Variants in P3H2 observed in about 807,000 individuals in gnomAD.
P3H2 encodes prolyl 3-hydroxylase 2.
P3H2 carries 80 observed loss-of-function variants against 87.0 expected under a neutral mutation model. The ratio of observed to expected loss-of-function variants is 0.92; its 90% confidence interval spans 0.77 to 1.11. The LOEUF is 1.11. P3H2 is among the 50% of genes least tolerant of loss of function. The pLI, the probability that P3H2 is intolerant of heterozygous loss-of-function variation, is 0.00. For missense variants in P3H2, 1,001 were observed against 923.9 expected (o/e 1.08, Z -1.08); for synonymous variants, 367 against 359.3 (o/e 1.02, Z -0.24).
chr3:190,035,468 CTTAAAGA>C (rs938863667), intron 1 of P3H2, among the ~76,000 whole-genome samples: 5 of 152,086 alleles, frequency 3.3e-5, no homozygotes, highest in Admixed American at 2.0e-4. Flanking sequence ...GTTTTAAATT[CTTAAAGA>C]TTAAACAGTC....
chr3:190,073,853 T>C (rs1726784233), intron 1 of P3H2, among the ~76,000 whole-genome samples: 1 of 152,210 alleles, frequency 6.6e-6, no homozygotes, highest in African/African-American at 2.4e-5. Context: ...ATAAGGCTGT[T>C]TGGAGAATTA....
At chr3:189,963,509 A>T in intron 14 of P3H2, 1 of 192,140 alleles carries the variant, frequency 5.2e-6, no homozygotes, top group Non-Finnish European at 1.1e-5. Flanking sequence ...CAGTGGTGCG[A>T]TCTCGGCTTA....
chr3:190,101,888 A>T (rs1177198233), intron 1 of P3H2, among the ~76,000 whole-genome samples: 1 of 152,200 alleles, frequency 6.6e-6, no homozygotes, highest in Non-Finnish European at 1.5e-5. Context: ...CTATTGTTAG[A>T]GCTAATCCAG....
chr3:189,988,882 T>A (rs1388835159), intron 4 of P3H2, 25 bp downstream of exon 4: 2 of 1,613,640 alleles, frequency 1.2e-6, no homozygotes, highest in Admixed American at 1.7e-5. Flanking sequence ...CCCCAAGAAG[T>A]CTTCACGGAT....
intron 1 of P3H2, among the ~76,000 whole-genome samples, chr3:190,085,726 T>C (rs188985652): frequency 9.2e-4 from 140 of 152,116 alleles, no homozygotes; most frequent in Non-Finnish European, 1.8e-3. Flanking sequence ...TTTTGAGTTA[T>C]TGGCATATTT....
chr3:190,102,835 C>G (rs899191888), intron 1 of P3H2, among the ~76,000 whole-genome samples: 2 of 151,414 alleles, frequency 1.3e-5, no homozygotes, highest in African/African-American at 4.9e-5. Flanking sequence ...ATTAATGGGG[C>G]AAACTTTCTT....
chr3:190,035,603 T>C (rs1725394494), intron 1 of P3H2, among the ~76,000 whole-genome samples: 1 of 152,210 alleles, frequency 6.6e-6, no homozygotes. Context: ...CTGTCACCCA[T>C]TAATAATCTT....
Position 189,972,868 on chromosome 3 carries a change from TCTCACCAGACAG to T in P3H2, c.1693_1699+5del. The T allele has an allele frequency of 6.2e-7, 1 of 1,614,008 alleles. No homozygotes were observed. On this transcript the variant is annotated splice_donor_variant and splice_donor_5th_base_variant and coding_sequence_variant and intron_variant, in exon 11 of 15. Coordinates refer to ENST00000319332, the MANE Select transcript of P3H2 (RefSeq NM_018192.4). LOFTEE classifies it high-confidence loss of function. ...AAAAGGGAACCATTTCAGACTGCAA[TCTCACCAGACAG>T]GGCTGTTCGGCAGACCATGTGTGTA...
intron 1 of P3H2, among the ~76,000 whole-genome samples, chr3:190,023,444 G>T (rs1724992221): frequency 1.3e-5 from 2 of 152,198 alleles, no homozygotes; most frequent in South Asian, 4.1e-4. Flanking sequence ...CAGGGAGGAT[G>T]GCGAAGGGGA....
At chr3:190,090,017 T>C (rs1178050469) in intron 1 of P3H2, among the ~76,000 whole-genome samples, 1 of 152,154 alleles carries the variant, frequency 6.6e-6, no homozygotes, top group African/African-American at 2.4e-5. Context: ...GGTGTCTGTG[T>C]CATGAAGCAC....
intron 9 of P3H2, 145 bp downstream of exon 9, chr3:189,974,413 T>C: frequency 3.6e-6 from 4 of 1,126,754 alleles, no homozygotes; most frequent in Non-Finnish European, 5.2e-6. Flanking sequence ...CTATAAAAGT[T>C]CCTCAAAAAT....
intron 1 of P3H2, among the ~76,000 whole-genome samples, chr3:190,033,838 A>G (rs1666482): frequency 0.81 from 123,580 of 151,784 alleles, 50,420 homozygotes; most frequent in African/African-American, 0.87. Context: ...CCAACAAAAA[A>G]TGGATGATAT....
intron 1 of P3H2, among the ~76,000 whole-genome samples, chr3:190,099,229 AT>A (rs770032918): frequency 2.0e-5 from 3 of 152,236 alleles, no homozygotes; most frequent in Non-Finnish European, 4.4e-5. Context: ...ACAACAAATT[AT>A]GCGTGGAACG....
chr3:190,100,360 C>T (rs941968126), intron 1 of P3H2, among the ~76,000 whole-genome samples: 1 of 149,180 alleles, frequency 6.7e-6, no homozygotes, highest in African/African-American at 2.5e-5. Flanking sequence ...ATCTTAATGT[C>T]TAAATGTCAC....
chr3:190,017,729 T>C (rs982411824), intron 1 of P3H2, among the ~76,000 whole-genome samples: 2 of 151,554 alleles, frequency 1.3e-5, no homozygotes, highest in Non-Finnish European at 2.9e-5. Flanking sequence ...GCAAACACTT[T>C]GTTTGTGGAT....
At chr3:190,042,619 T>C (rs750814126) in intron 1 of P3H2, among the ~76,000 whole-genome samples, 1 of 152,228 alleles carries the variant, frequency 6.6e-6, no homozygotes, top group Non-Finnish European at 1.5e-5. Flanking sequence ...GGAACAACCT[T>C]ATGAATAAAA....
chr3:190,035,171 T>A (rs995920498), intron 1 of P3H2, among the ~76,000 whole-genome samples: 1 of 152,032 alleles, frequency 6.6e-6, no homozygotes, highest in Non-Finnish European at 1.5e-5. Flanking sequence ...TTTTTTCTTT[T>A]CTTTTTTTTG....
chr3:189,959,459 T>C (rs1722746006), intron 14 of P3H2, among the ~76,000 whole-genome samples: 2 of 131,946 alleles, frequency 1.5e-5, no homozygotes, highest in Admixed American at 1.8e-4. Flanking sequence ...CCTGTGTCCA[T>C]GTGTTCTCAT....
intron 1 of P3H2, among the ~76,000 whole-genome samples, chr3:190,119,032 G>A (rs1712408272): frequency 6.6e-6 from 1 of 151,374 alleles, no homozygotes; most frequent in Admixed American, 6.6e-5. Flanking sequence ...TTGAGCCCGG[G>A]AGGCGGAGGT....
Sources: gnomAD v4.1 joint callset for allele counts (sites outside exome capture counted in the v4.1 genomes callset) on GRCh38, gnomAD v4.1.1 for gene constraint, MANE v1.5 for transcripts, NCBI Gene and HGNC (gene_info 2026-07-23, HGNC 2026-07-21) for gene names.